The following AGFG1 variants were observed in gnomAD, a reference collection of about 807,000 sequenced individuals.
The protein encoded by AGFG1 is arf-GAP domain and FG repeat-containing protein 1.
In AGFG1, 10 loss-of-function variants were observed where a neutral mutation model predicts 60.6. The observed-to-expected ratio is 0.16, with a 90% confidence interval of 0.10 to 0.28. The LOEUF is 0.28. Among genes scored for constraint, AGFG1 ranks in the 10% least tolerant of loss-of-function variants. The pLI, the probability that AGFG1 is intolerant of heterozygous loss-of-function variation, is 1.00. For synonymous variants in AGFG1, 247 were observed against 242.9 expected, an observed-to-expected ratio of 1.02 and a Z score of -0.16; for missense variants, 537 against 676.5, an observed-to-expected ratio of 0.79 and a Z score of 2.29.
intron 2 of AGFG1, among the ~76,000 whole-genome samples, chr2:227,501,677 G>T (rs1203667450): frequency 6.6e-6 from 1 of 151,896 alleles, no homozygotes; most frequent in Non-Finnish European, 1.5e-5. Context: ...TTGACTTCCT[G>T]GGCTCAGGTG....
chr2:227,481,543 TG>T (rs776024284), intron 1 of AGFG1, among the ~76,000 whole-genome samples: 2 of 152,244 alleles, frequency 1.3e-5, no homozygotes, highest in African/African-American at 2.4e-5. Flanking sequence ...CAGAAGCTTC[TG>T]TTTTGGCTTT....
At chr2:227,486,062 A>G (rs914286157) in intron 1 of AGFG1, among the ~76,000 whole-genome samples, 8 of 152,176 alleles carry the variant, frequency 5.3e-5, no homozygotes, top group African/African-American at 1.9e-4. Flanking sequence ...GGATCCTAGG[A>G]TCCTATGTAA....
At chr2:227,535,568 G>T (rs1469991492) in intron 8 of AGFG1, among the ~76,000 whole-genome samples, 2 of 152,102 alleles carry the variant, frequency 1.3e-5, no homozygotes, top group Non-Finnish European at 2.9e-5. Context: ...CACATTTTAG[G>T]ACATTACACT....
chr2:227,487,437 T>G (rs1412389671), intron 1 of AGFG1, among the ~76,000 whole-genome samples: 1 of 152,112 alleles, frequency 6.6e-6, no homozygotes, highest in Non-Finnish European at 1.5e-5. Flanking sequence ...ACTATATAAT[T>G]TTTATCTTAA....
intron 5 of AGFG1, among the ~76,000 whole-genome samples, chr2:227,525,423 C>A (rs898986425): frequency 9.2e-5 from 14 of 152,128 alleles, no homozygotes; most frequent in African/African-American, 3.1e-4. Context: ...CATTAGGATT[C>A]AAATGTTCAT....
intron 2 of AGFG1, among the ~76,000 whole-genome samples, chr2:227,519,164 TCAAA>T (rs1219048962): frequency 2.0e-5 from 3 of 152,208 alleles, no homozygotes; most frequent in African/African-American, 4.8e-5. Flanking sequence ...AGACCTTTTC[TCAAA>T]CAAACAAAAA....
chr2:227,516,000 C>T (rs1011593165), intron 2 of AGFG1, among the ~76,000 whole-genome samples: 4 of 152,116 alleles, frequency 2.6e-5, no homozygotes, highest in East Asian at 1.9e-4. Flanking sequence ...AATCTTACCC[C>T]GTAATAGGCT....
At chr2:227,509,241 T>C (rs543086051) in intron 2 of AGFG1, among the ~76,000 whole-genome samples, 2 of 152,098 alleles carry the variant, frequency 1.3e-5, no homozygotes, top group African/African-American at 4.8e-5. Context: ...CATAGTATCT[T>C]CCCCAAAATA....
intron 5 of AGFG1, among the ~76,000 whole-genome samples, chr2:227,528,697 A>G (rs1273305480): frequency 6.6e-6 from 1 of 152,134 alleles, no homozygotes; most frequent in Non-Finnish European, 1.5e-5. Context: ...GCAGTTTGTG[A>G]GTCTTCACAG....
At chr2:227,497,729 TGTTTTG>T (rs1691020031) in intron 2 of AGFG1, among the ~76,000 whole-genome samples, 2 of 16,552 alleles carry the variant, frequency 1.2e-4, no homozygotes, top group African/African-American at 1.5e-4. Context: ...GTTTCTTTCT[TGTTTTG>T]TTTTTTTTTT....
chr2:227,554,050 A>G (rs376852145), intron 12 of AGFG1, among the ~76,000 whole-genome samples: 5 of 152,210 alleles, frequency 3.3e-5, no homozygotes, highest in African/African-American at 7.2e-5. Flanking sequence ...TAGATCAGCT[A>G]TTTTATAATA....
rs558443043 is a variant in AGFG1, at chr2:227,542,663, G to C, written c.1378+5670G>C. Among the ~76,000 whole-genome samples, 14 of 152,324 alleles carry C rather than the reference G, an allele frequency of 9.2e-5. No homozygotes were observed. In the East Asian group the frequency reaches 2.7e-3, roughly 29 times the overall value. ...TGCCAGGCTTTGGTATCAGGATGAT[G>C]CTGGCCTCATAAAATGAGTTAGGGA... is the stretch of plus-strand genomic sequence containing the variant. On this transcript the variant is annotated intron_variant, in intron 10 of 12. Transcript: ENST00000310078.
At position 227,558,342 on chromosome 2, in the gene AGFG1, A is replaced by T. The variant is rs1296633181; in HGVS notation, c.*3847A>T. 6.6e-6 allele frequency: 1 copy of T among 152,008 alleles called. No homozygotes were observed. Among genetic ancestry groups the T allele is most frequent in the Non-Finnish European group, 1.5e-5 (1 of 67,970 alleles). 9.4% of individuals were successfully genotyped at this position (152,008 alleles called of 1,614,324 possible). On this transcript the variant is annotated 3_prime_UTR_variant, in exon 13 of 13. Transcript: ENST00000310078. ...TGTCTTGTATATCTAAAAAAACTTT[A>T]ATCACTTGAATTCCTTTCATAATTT...
chr2:227,495,670 G>A (rs1261069772), intron 2 of AGFG1, among the ~76,000 whole-genome samples: 12 of 152,152 alleles, frequency 7.9e-5, no homozygotes, highest in Non-Finnish European at 1.5e-4. Flanking sequence ...TTAACGGAAG[G>A]TGGACTGGTG....
chr2:227,527,371 A>G (rs1692026763), intron 5 of AGFG1, among the ~76,000 whole-genome samples: 1 of 152,216 alleles, frequency 6.6e-6, no homozygotes, highest in South Asian at 2.1e-4. Flanking sequence ...ACGTATACAC[A>G]TATACACTTA....
At position 227,482,665 on chromosome 2, in the gene AGFG1, AAACT is replaced by A. The variant is rs1407491072; in HGVS notation, c.168-8875_168-8872del. On this transcript the variant is annotated intron_variant, in intron 1 of 12. Coordinates refer to ENST00000310078, the MANE Select transcript of AGFG1 (RefSeq NM_004504.5). ...CACAGCAGGAGAAAAACAATTAATA[AAACT>A]AACTAAATAAGCTTTCCTACTTACT... is the stretch of plus-strand genomic sequence containing the variant. 2.6e-5 allele frequency among the ~76,000 whole-genome samples: 4 copies of A among 152,234 alleles called. 1 individual carries two copies. Among genetic ancestry groups the A allele is most frequent in the Admixed American group, 1.3e-4 (2 of 15,282 alleles).
At chr2:227,552,516 T>A (rs1210855431) in intron 11 of AGFG1, among the ~76,000 whole-genome samples, 1 of 152,166 alleles carries the variant, frequency 6.6e-6, no homozygotes, top group African/African-American at 2.4e-5. Flanking sequence ...ATAGACTACT[T>A]TTCTAATTTG....
intron 2 of AGFG1, among the ~76,000 whole-genome samples, chr2:227,497,735 G>GTTTT (rs869114764): frequency 0.047 from 1,315 of 27,976 alleles, 307 homozygotes; most frequent in Non-Finnish European, 0.066. Context: ...TTCTTGTTTT[G>GTTTT]TTTTTTTTTT....
chr2:227,539,017 G>A (rs1031025848), intron 10 of AGFG1, among the ~76,000 whole-genome samples: 1 of 152,146 alleles, frequency 6.6e-6, no homozygotes, highest in East Asian at 1.9e-4. Context: ...CAAATCACAA[G>A]CATTAACTGC....
Sources: allele counts gnomAD v4.1 joint callset (sites outside exome capture counted in the v4.1 genomes callset), GRCh38; gene constraint gnomAD v4.1.1; transcripts MANE v1.5; gene names NCBI Gene and HGNC (gene_info 2026-07-23, HGNC 2026-07-21).